Variants in ABCA6 observed in about 807,000 individuals in gnomAD.
The protein encoded by ABCA6 is ATP binding cassette subfamily A member 6.
A neutral mutation model predicts 191.2 loss-of-function variants in ABCA6; 164 were observed. That is an observed-to-expected ratio of 0.86 (90% CI 0.76 to 0.98). ABCA6 has a LOEUF of 0.98. ABCA6 is among the 50% of genes least tolerant of loss of function. ABCA6 has a pLI of 0.00. For synonymous variants in ABCA6, 636 were observed against 647.7 expected (o/e 0.98, Z 0.27); for missense variants, 1,958 against 1,894.1 (o/e 1.03, Z -0.63).
intron 10 of ABCA6, 129 bp downstream of exon 10, chr17:69,123,110 A>G: frequency 2.4e-6 from 1 of 421,036 alleles, no homozygotes; most frequent in Non-Finnish European, 3.5e-6. Flanking sequence ...ACATGTATAC[A>G]TATGTAACAA....
At chr17:69,107,920 A>G (rs189768236) in intron 17 of ABCA6, 108 bp from the exon 18 acceptor site, 71 of 729,026 alleles carry the variant, frequency 9.7e-5, no homozygotes, top group African/African-American at 8.4e-4. Flanking sequence ...TAAGAAAATT[A>G]TGTCCTTGGA....
chr17:69,103,157 C>T (rs971030612), intron 20 of ABCA6, among the ~76,000 whole-genome samples, 189 bp from the exon 21 acceptor site: 3 of 152,092 alleles, frequency 2.0e-5, no homozygotes, highest in African/African-American at 7.2e-5. Context: ...TCTTATACCA[C>T]AATGAATTAG....
Position 69,113,633 on chromosome 17 carries a change from A to G in ABCA6, c.1887T>C (p.Ile629=). The G allele has an allele frequency of 6.2e-7, 1 of 1,613,014 alleles. No individual in the cohort carries two copies. Among genetic ancestry groups the G allele is most frequent in the Non-Finnish European group, 8.5e-7 (1 of 1,179,322 alleles). The change falls in exon 14 of 39, where the codon ATT becomes ATC. Residue 629 remains isoleucine, a synonymous_variant. Coordinates refer to ENST00000284425, the MANE Select transcript of ABCA6 (RefSeq NM_080284.3). ...TCTCACTTACTTGAGGATCTCCTAAAATGGTAATCCCAAAAGTCAGCTTTC... is the reference window on the plus strand; with the variant it reads ...TCTCACTTACTTGAGGATCTCCTAAGATGGTAATCCCAAAAGTCAGCTTTC... ...QKRKLTFGIT[I]LGDPQILLLD...
At chr17:69,089,663 G>T in intron 26 of ABCA6, 121 bp from the exon 27 acceptor site, 1 of 766,558 alleles carries the variant, frequency 1.3e-6, no homozygotes, top group South Asian at 2.1e-5. Context: ...ATTTCTTTGT[G>T]TGCACTAGTG....
chr17:69,125,362 T>C (rs528232337), intron 8 of ABCA6, among the ~76,000 whole-genome samples: 1 of 152,064 alleles, frequency 6.6e-6, no homozygotes, highest in Non-Finnish European at 1.5e-5. Flanking sequence ...TTGGAAAGAA[T>C]ATAAGAAATT....
At chr17:69,101,683 C>T (rs2073185188) in intron 21 of ABCA6, among the ~76,000 whole-genome samples, 1 of 151,806 alleles carries the variant, frequency 6.6e-6, no homozygotes, top group African/African-American at 2.4e-5. Context: ...AATATTCATC[C>T]TTACCCTGCC....
At chr17:69,122,227 C>T (rs1568027447) in intron 10 of ABCA6, among the ~76,000 whole-genome samples, 3 of 152,028 alleles carry the variant, frequency 2.0e-5, no homozygotes, top group Admixed American at 2.0e-4. Context: ...ATACCTACCT[C>T]GTAAGCTTTT....
At chr17:69,125,229 T>A (rs2073728568) in intron 8 of ABCA6, among the ~76,000 whole-genome samples, 194 bp from the exon 9 acceptor site, 1 of 151,676 alleles carries the variant, frequency 6.6e-6, no homozygotes. Flanking sequence ...TAGAAAGAAA[T>A]ATTTATTTAA....
chr17:69,082,820 C>T, intron 36 of ABCA6, 53 bp downstream of exon 36: 1 of 1,606,976 alleles, frequency 6.2e-7, no homozygotes, highest in Non-Finnish European at 8.5e-7. Flanking sequence ...AAAAAGGAAA[C>T]CACTGAGTGG....
Position 69,091,234 on chromosome 17 carries a change from A to T in ABCA6, c.3437T>A (p.Leu1146Ter), listed in dbSNP as rs774779803. The change falls in exon 26 of 39, where the codon TTA (leucine) becomes TAA (stop). Residue 1146 changes from leucine to a stop codon, truncating the protein, a stop_gained. Coordinates refer to ENST00000284425, the MANE Select transcript of ABCA6 (RefSeq NM_080284.3). LOFTEE classifies it high-confidence loss of function. ...TATACTTAGGTCAAAATGATTGATT[A>T]AAGTGATGGAAAACATGATGGTGGA... ...FASTIMFSIT[L>*]INHFDLSILI... 1.9e-6 allele frequency: 3 copies of T among 1,611,918 alleles called. No individual in the cohort carries two copies. Among genetic ancestry groups the T allele is most frequent in the East Asian group, 4.5e-5 (2 of 44,830 alleles).
At chr17:69,095,563 C>T (rs375113344) in intron 25 of ABCA6, 18 of 152,234 alleles carry the variant, frequency 1.2e-4, no homozygotes, top group East Asian at 5.8e-4. Context: ...GCAAAAAAAA[C>T]GCAATTGCTC....
intron 2 of ABCA6, among the ~76,000 whole-genome samples, chr17:69,139,552 A>C (rs1598071664): frequency 1.3e-5 from 2 of 152,134 alleles, no homozygotes; most frequent in African/African-American, 4.8e-5. Flanking sequence ...TTCCTCAGGG[A>C]TCTAGAACTA....
At chr17:69,093,226 T>C (rs186173553) in intron 25 of ABCA6, among the ~76,000 whole-genome samples, 21 of 152,250 alleles carry the variant, frequency 1.4e-4, no homozygotes, top group African/African-American at 4.8e-4. Context: ...TAAGTAATAA[T>C]AGTGAAAATT....
At position 69,088,175 on chromosome 17, in the gene ABCA6, A is replaced by G. The variant is rs150686835; in HGVS notation, c.3690T>C (p.Pro1230=). Residue 1230 remains proline (P), a synonymous_variant, in exon 28 of 39, where the codon CCT becomes CCC. Transcript: ENST00000284425. The stretch of plus-strand genomic sequence containing the variant: ...TTAAATTTCACCCCAACCTGAAAAC[A>G]GGATCTTTTCGCATTCTTTTCTTTC... ...KCGKKRMRKD[P]VFRISPQSRD... is the part of the protein sequence containing the mutation. 2 of 1,610,866 alleles carry G rather than the reference A, an allele frequency of 1.2e-6. No homozygotes were observed. Among genetic ancestry groups the G allele is most frequent in the Middle Eastern group, 1.7e-4 (1 of 6,040 alleles).
In ABCA6 at chr17:69,093,647, T is replaced by C. The variant is rs375975192; in HGVS notation, c.3409-2385A>G. Among the ~76,000 whole-genome samples, 19 of 152,332 alleles carry C rather than the reference T, an allele frequency of 1.2e-4. No individual in the cohort carries two copies. The South Asian group carries it at 3.5e-3, about 28-fold the overall frequency. On this transcript the variant is annotated intron_variant, in intron 25 of 38. Coordinates refer to ENST00000284425, the MANE Select transcript of ABCA6 (RefSeq NM_080284.3). ...TCAGGACACATGTCTGCTGAGCCGA[T>C]ATACACCTAAAATAAAAGCTCTCCT...
At chr17:69,102,182 C>A (rs2073196494) in intron 21 of ABCA6, among the ~76,000 whole-genome samples, 1 of 152,042 alleles carries the variant, frequency 6.6e-6, no homozygotes, top group Non-Finnish European at 1.5e-5. Context: ...CCACTCTCTA[C>A]CAAATATTCA....
At chr17:69,084,881 G>C in intron 32 of ABCA6, 147 bp downstream of exon 32, 4 of 907,040 alleles carry the variant, frequency 4.4e-6, no homozygotes, top group Non-Finnish European at 6.3e-6. Context: ...AGGAAGTCAG[G>C]TCTTGTCCCT....
At chr17:69,107,443 A>AT (rs2144661406) in intron 18 of ABCA6, among the ~76,000 whole-genome samples, 1 of 152,302 alleles carries the variant, frequency 6.6e-6, no homozygotes, top group South Asian at 2.1e-4. Flanking sequence ...GCCTGAAGGT[A>AT]TCTAAGAAGC....
rs1339808309 is a variant in ABCA6, at chr17:69,112,254, G to T, written c.2061C>A (p.Ser687=). ...AACCTGCACACTTCAGTCTCCCATTGGACATGATCACTTTTCTATCTGAAT... is the reference window on the plus strand; with the variant it reads ...AACCTGCACACTTCAGTCTCCCATTTGACATGATCACTTTTCTATCTGAAT... ...DILADRKVIM[S]NGRLKCAGSS... The change falls in exon 16 of 39, where the codon TCC becomes TCA. Residue 687 remains serine (S), a synonymous_variant. Transcript: ENST00000284425. The T allele has an allele frequency of 1.9e-6, 3 of 1,611,766 alleles. No individual in the cohort carries two copies. The highest frequency in any genetic ancestry group is 1.7e-6 in the Non-Finnish European group (2 of 1,178,622).
Sources: allele counts gnomAD v4.1 joint callset (sites outside exome capture counted in the v4.1 genomes callset), GRCh38; gene constraint gnomAD v4.1.1; transcripts MANE v1.5; gene names NCBI Gene and HGNC (gene_info 2026-07-23, HGNC 2026-07-21).